Variants in ZIM2 observed in about 807,000 individuals in gnomAD.
ZIM2 encodes the protein zinc finger imprinted 2, also known as zinc finger protein 656.
Under a neutral mutation model 38.6 loss-of-function variants are expected in ZIM2, and 14 were observed. The observed-to-expected ratio is 0.36, with a 90% confidence interval of 0.24 to 0.57. ZIM2 has a LOEUF of 0.57. Ranked by LOEUF, ZIM2 falls within the 20% of genes least tolerant of loss-of-function variation. The probability of loss-of-function intolerance (pLI) is 0.81; values close to 1 mark genes in which losing one functional copy is unlikely to be tolerated. For missense variants in ZIM2, 680 were observed against 695.1 expected (o/e 0.98, Z 0.24); for synonymous variants, 247 against 245.8 (o/e 1.00, Z -0.04).
At chr19:56,793,300 C>G (rs185409937) in intron 9 of ZIM2, 2 of 152,720 alleles carry the variant, frequency 1.3e-5, no homozygotes, top group East Asian at 3.9e-4. Context: ...CTTCTCTTGA[C>G]CACACACACA....
At chr19:56,805,270 A>G (rs1349537635) in intron 9 of ZIM2, among the ~76,000 whole-genome samples, 1 of 152,134 alleles carries the variant, frequency 6.6e-6, no homozygotes, top group African/African-American at 2.4e-5. Flanking sequence ...CAAATCGTTC[A>G]ATCCCATTTG....
rs1338597845 is a variant in ZIM2, at chr19:56,821,679, T to A, written c.266A>T (p.Asp89Val). 1 of 1,613,282 alleles carries A rather than the reference T, an allele frequency of 6.2e-7. No homozygotes were observed. The change falls in exon 7 of 13, where the codon GAC (aspartate) becomes GTC (valine). Residue 89 changes from aspartate (D) to valine (V), a missense_variant. By Grantham distance (152) the Asp-to-Val change is radical (BLOSUM62 -3). Transcript: ENST00000629319. ...SFEMDREDDRDSRAYESRSQD... is the reference protein window; with the variant it reads ...SFEMDREDDRVSRAYESRSQD... Reference sequence around the variant, plus strand: ...AGATCGGGACTCATAAGCCCTGGAGTCCCTGTCGTCCTCTCTGTCCATTTC... The same window carrying A: ...AGATCGGGACTCATAAGCCCTGGAGACCCTGTCGTCCTCTCTGTCCATTTC...
intron 7 of ZIM2, among the ~76,000 whole-genome samples, chr19:56,820,446 C>T (rs1293148169): frequency 6.6e-6 from 1 of 152,152 alleles, no homozygotes; most frequent in Non-Finnish European, 1.5e-5. Flanking sequence ...AAAAGCAAAA[C>T]AAGACAAAGC....
chr19:56,787,710 GTT>G (rs56289231), intron 10 of ZIM2, among the ~76,000 whole-genome samples: 1,542 of 105,816 alleles, frequency 0.015, 7 homozygotes, highest in Middle Eastern at 0.021. Context: ...CTGGTCCTGG[GTT>G]TTTTTTTTTT....
At chr19:56,816,875 G>A (rs751200637) in intron 9 of ZIM2, 1 of 1,614,076 alleles carries the variant, frequency 6.2e-7, no homozygotes, top group South Asian at 1.1e-5. Flanking sequence ...ATCTTCCGAT[G>A]TTCAGCCAAG....
chr19:56,835,696 G>C (rs1183279259), intron 2 of ZIM2, among the ~76,000 whole-genome samples: 1 of 152,216 alleles, frequency 6.6e-6, no homozygotes, highest in Non-Finnish European at 1.5e-5. Flanking sequence ...CTGGCACAAA[G>C]TACACACTTG....
chr19:56,815,220 G>T, intron 9 of ZIM2: 1 of 1,613,942 alleles, frequency 6.2e-7, no homozygotes, highest in Non-Finnish European at 8.5e-7. Flanking sequence ...TCTCCTCGCT[G>T]TGGGTCTCCT....
intron 9 of ZIM2, among the ~76,000 whole-genome samples, chr19:56,793,760 A>C (rs2047058808): frequency 6.6e-6 from 1 of 152,200 alleles, no homozygotes; most frequent in African/African-American, 2.4e-5. Flanking sequence ...ATATTTGTAT[A>C]TTGGAATGCT....
chr19:56,835,973 A>C (rs749343969), intron 2 of ZIM2, 45 bp downstream of exon 2: 1 of 498,656 alleles, frequency 2.0e-6, no homozygotes, highest in African/African-American at 1.9e-5. Flanking sequence ...TGCGGTGGTC[A>C]CTCCAAAGAT....
At chr19:56,822,499 T>C in intron 6 of ZIM2, 1 of 392,760 alleles carries the variant, frequency 2.5e-6, no homozygotes. Context: ...ACTTCCAGTT[T>C]TTTTTTTTTT....
chr19:56,781,838 T>C, intron 11 of ZIM2, 115 bp downstream of exon 11: 2 of 1,326,200 alleles, frequency 1.5e-6, no homozygotes, highest in Non-Finnish European at 2.1e-6. Context: ...GCCTCTGACC[T>C]GGGTTGAGAC....
intron 2 of ZIM2, among the ~76,000 whole-genome samples, chr19:56,827,061 G>A (rs1339504889): frequency 6.6e-6 from 1 of 152,068 alleles, no homozygotes; most frequent in Non-Finnish European, 1.5e-5. Context: ...GACCACTAGG[G>A]AAGAAATCTA....
chr19:56,821,839 G>A (rs1472041473), intron 6 of ZIM2, 85 bp from the exon 7 acceptor site: 4 of 1,446,440 alleles, frequency 2.8e-6, no homozygotes, highest in Admixed American at 3.4e-5. Flanking sequence ...TATGAAGCCA[G>A]CTGGGGTGTG....
chr19:56,835,767 A>G (rs2062032114), intron 2 of ZIM2, among the ~76,000 whole-genome samples: 1 of 152,218 alleles, frequency 6.6e-6, no homozygotes, highest in East Asian at 1.9e-4. Context: ...AGGCAAGAGA[A>G]AAAGAGTAGC....
rs547913184 is a variant in ZIM2 at position 56,816,535 on chromosome 19, A to C, written c.490+1211T>G. 6 of 1,613,918 alleles carry C rather than the reference A, an allele frequency of 3.7e-6. No homozygotes were observed. The East Asian group carries it at 1.3e-4, about 36-fold the overall frequency. On this transcript the variant is annotated intron_variant, in intron 9 of 12. Coordinates refer to ENST00000629319, the MANE Select transcript of ZIM2 (RefSeq NM_001387356.1). The stretch of plus-strand genomic sequence containing the variant: ...TTCTTTCAGGGATGAGCTATGAAGG[A>C]AAGTCTCCCCACACACCTTACATTC...
chr19:56,822,842 C>T lies in ZIM2; in HGVS notation c.107-6G>A. The T allele has an allele frequency of 2.5e-6, 4 of 1,612,508 alleles. No homozygotes were observed. The highest frequency in any genetic ancestry group is 3.4e-6 in the Non-Finnish European group (4 of 1,179,328). ...CCGGTCCCAGTCCCGGTCACCTAAGCAGGTGAGACATTCCAGTGGTTAACA... is the reference window on the plus strand; with the variant it reads ...CCGGTCCCAGTCCCGGTCACCTAAGTAGGTGAGACATTCCAGTGGTTAACA... On this transcript the variant is annotated splice_region_variant and splice_polypyrimidine_tract_variant and intron_variant, in intron 5 of 12. Transcript: ENST00000629319.
intron 9 of ZIM2, among the ~76,000 whole-genome samples, chr19:56,805,399 A>C (rs2047709368): frequency 2.6e-5 from 4 of 152,190 alleles, no homozygotes; most frequent in Admixed American, 6.5e-5. Flanking sequence ...TACATCCCCC[A>C]GTTGTGGATT....
intron 2 of ZIM2, chr19:56,833,276 C>T (rs1293349778): frequency 4.4e-6 from 2 of 451,334 alleles, no homozygotes; most frequent in Non-Finnish European, 8.9e-6. Context: ...AGCCCCCTAA[C>T]TCGTTCTACC....
At chr19:56,824,886 A>C in intron 3 of ZIM2, 1 of 509,772 alleles carries the variant, frequency 2.0e-6, no homozygotes, top group Non-Finnish European at 3.5e-6. Flanking sequence ...AGTTGGCCTC[A>C]GCACAGCAGT....
Sources: gnomAD v4.1 joint callset for allele counts (sites outside exome capture counted in the v4.1 genomes callset) on GRCh38, gnomAD v4.1.1 for gene constraint, MANE v1.5 for transcripts, NCBI Gene and HGNC (gene_info 2026-07-23, HGNC 2026-07-21) for gene names.